The following GRIK4 variants were observed in gnomAD, a reference collection of about 807,000 sequenced individuals.
The protein encoded by GRIK4 is glutamate ionotropic receptor kainate type subunit 4, also known as glutamate receptor ionotropic, kainate 4.
GRIK4 carries 40 observed loss-of-function variants against 104.9 expected under a neutral mutation model. The ratio of observed to expected loss-of-function variants is 0.38; its 90% CI spans 0.30 to 0.50. GRIK4 has a LOEUF of 0.50. GRIK4 is among the 20% of genes least tolerant of loss of function. The pLI is 0.93. For missense variants in GRIK4, 1,047 were observed against 1,308.1 expected (o/e 0.80, Z 3.08); for synonymous variants, 485 against 524.9 (o/e 0.92, Z 1.04).
intron 3 of GRIK4, among the ~76,000 whole-genome samples, chr11:120,775,917 G>A (rs1176690632): frequency 2.0e-5 from 3 of 152,238 alleles, no homozygotes; most frequent in African/African-American, 7.2e-5. Flanking sequence ...GGGTCAGGCT[G>A]AGCCCTCTTT....
intron 19 of GRIK4, among the ~76,000 whole-genome samples, chr11:120,980,501 C>G (rs35176806): frequency 0.011 from 1,726 of 152,290 alleles, 15 homozygotes; most frequent in Middle Eastern, 0.048. Context: ...TGAAAACTTT[C>G]TACCCAAATG....
chr11:120,848,614 C>T (rs1953904346), intron 8 of GRIK4, among the ~76,000 whole-genome samples: 1 of 152,158 alleles, frequency 6.6e-6, no homozygotes, highest in Admixed American at 6.5e-5. Context: ...TTCATCTGCT[C>T]TCCACCCACA....
chr11:120,595,159 C>G (rs922789913), intron 1 of GRIK4, among the ~76,000 whole-genome samples: 1 of 152,220 alleles, frequency 6.6e-6, no homozygotes, highest in African/African-American at 2.4e-5. Flanking sequence ...TCCTCCCGCT[C>G]GCTGTGTTCC....
intron 1 of GRIK4, among the ~76,000 whole-genome samples, chr11:120,622,821 G>C (rs920685772): frequency 2.6e-5 from 4 of 152,210 alleles, no homozygotes; most frequent in African/African-American, 9.6e-5. Context: ...CTCTGCCTCT[G>C]TGGTCACGCT....
At position 120,577,926 on chromosome 11, in the gene GRIK4, C is replaced by T. The variant is rs80302273; in HGVS notation, c.-159+66039C>T. Among the ~76,000 whole-genome samples the T allele has an allele frequency of 7.2e-3, 1,093 of 152,280 alleles. 9 individuals are homozygous for T. The highest frequency in any genetic ancestry group is 0.014 in the Middle Eastern group (4 of 294). On this transcript the variant is annotated intron_variant, in intron 1 of 20. Coordinates refer to ENST00000527524, the MANE Select transcript of GRIK4 (RefSeq NM_014619.5). ...TCGGCCCCAGGACCATAGCCACAGC[C>T]CAGACTTCCTTTCCTCCATCCCCTG... is the stretch of plus-strand genomic sequence containing the variant.
chr11:120,929,276 G>A (rs1385587837), intron 13 of GRIK4, among the ~76,000 whole-genome samples: 1 of 152,128 alleles, frequency 6.6e-6, no homozygotes, highest in East Asian at 1.9e-4. Context: ...CATGTGGCAG[G>A]AGAGCAGATG....
intron 1 of GRIK4, among the ~76,000 whole-genome samples, chr11:120,518,254 C>T (rs947894624): frequency 1.3e-5 from 2 of 152,218 alleles, no homozygotes; most frequent in Non-Finnish European, 2.9e-5. Flanking sequence ...CAAAGCTATG[C>T]AAGCCCACCC....
chr11:120,514,588 C>T (rs1947701448), intron 1 of GRIK4, among the ~76,000 whole-genome samples: 1 of 152,152 alleles, frequency 6.6e-6, no homozygotes, highest in Non-Finnish European at 1.5e-5. Flanking sequence ...CGTTTTCACC[C>T]CCACCCCAGG....
chr11:120,615,814 G>C (rs906798215), intron 1 of GRIK4, among the ~76,000 whole-genome samples: 10 of 152,070 alleles, frequency 6.6e-5, no homozygotes, highest in African/African-American at 2.2e-4. Flanking sequence ...TGGAGTAGGA[G>C]CCAGGAGATC....
chr11:120,706,704 C>T (rs12270261), intron 3 of GRIK4, among the ~76,000 whole-genome samples: 16,764 of 152,156 alleles, frequency 0.11, 1,034 homozygotes, highest in African/African-American at 0.15. Flanking sequence ...CATGCAGTAT[C>T]AAAGCAATAT....
At chr11:120,836,770 C>T (rs1487568545) in intron 7 of GRIK4, 21 bp from the exon 8 acceptor site, 1 of 1,571,176 alleles carries the variant, frequency 6.4e-7, no homozygotes, top group South Asian at 1.1e-5. Flanking sequence ...CTTCTCTAAT[C>T]TCCTTCTCTT....
intron 1 of GRIK4, among the ~76,000 whole-genome samples, chr11:120,621,205 G>A (rs776004325): frequency 2.6e-5 from 4 of 152,144 alleles, no homozygotes; most frequent in South Asian, 2.1e-4. Flanking sequence ...GGGTGGGCAC[G>A]GTGAGTCTGC....
At chr11:120,878,378 A>G (rs899686662) in intron 11 of GRIK4, among the ~76,000 whole-genome samples, 6 of 152,090 alleles carry the variant, frequency 3.9e-5, no homozygotes, top group African/African-American at 1.4e-4. Flanking sequence ...TCCACAGACT[A>G]CCCTTTGACA....
intron 19 of GRIK4, among the ~76,000 whole-genome samples, chr11:120,971,468 G>A (rs1040095764): frequency 5.3e-5 from 8 of 152,206 alleles, no homozygotes; most frequent in Admixed American, 1.3e-4. Flanking sequence ...CCTTTCAAAC[G>A]GGTGCCCAGC....
At chr11:120,951,587 G>A (rs1944001997) in intron 14 of GRIK4, among the ~76,000 whole-genome samples, 1 of 152,160 alleles carries the variant, frequency 6.6e-6, no homozygotes. Context: ...CCTATCCATG[G>A]ACTTCCTGGA....
chr11:120,554,693 G>C (rs1313291289), intron 1 of GRIK4, among the ~76,000 whole-genome samples: 2 of 152,188 alleles, frequency 1.3e-5, no homozygotes, highest in Non-Finnish European at 2.9e-5. Flanking sequence ...AGAGCAGCTG[G>C]GATTACAGAC....
intron 11 of GRIK4, among the ~76,000 whole-genome samples, chr11:120,880,230 G>A (rs573265956): frequency 1.3e-5 from 2 of 152,322 alleles, no homozygotes; most frequent in African/African-American, 4.8e-5. Context: ...GAATTGCATG[G>A]CACAGTCTTG....
At chr11:120,824,677 G>A (rs1257426477) in intron 6 of GRIK4, among the ~76,000 whole-genome samples, 1 of 149,568 alleles carries the variant, frequency 6.7e-6, no homozygotes, top group South Asian at 2.1e-4. Flanking sequence ...AGTCTCCCAA[G>A]TAGCTGGGAT....
intron 13 of GRIK4, among the ~76,000 whole-genome samples, chr11:120,938,892 G>T (rs1943657117): frequency 6.6e-6 from 1 of 152,202 alleles, no homozygotes; most frequent in Admixed American, 6.5e-5. Flanking sequence ...GATCCAGGAA[G>T]TCTGGGATGA....
Sources: gnomAD v4.1 joint callset for allele counts (sites outside exome capture counted in the v4.1 genomes callset) on GRCh38, gnomAD v4.1.1 for gene constraint, MANE v1.5 for transcripts, NCBI Gene and HGNC (gene_info 2026-07-23, HGNC 2026-07-21) for gene names.